ROBO1: variants seen among roughly 807,000 people sequenced by gnomAD.
ROBO1 encodes the protein roundabout guidance receptor 1.
ROBO1 carries 149 observed loss-of-function variants against 195.9 expected under a neutral mutation model. The observed-to-expected ratio is 0.76, with a 90% CI of 0.67 to 0.87. The LOEUF (loss-of-function observed/expected upper bound fraction) is 0.87, where lower values mean the gene tolerates loss of function less well. ROBO1 is among the 40% of genes least tolerant of loss of function. ROBO1 has a pLI of 0.00. For synonymous variants in ROBO1, 816 were observed against 733.2 expected (o/e 1.11, Z -1.82); for missense variants, 1,933 against 2,068.3 (o/e 0.93, Z 1.27).
intron 2 of ROBO1, among the ~76,000 whole-genome samples, chr3:79,477,552 A>G (rs1463055813): frequency 6.6e-6 from 1 of 152,074 alleles, no homozygotes; most frequent in Non-Finnish European, 1.5e-5. Flanking sequence ...GAAACTAAAC[A>G]AAAAACAAAA....
At chr3:79,037,052 CT>C (rs2078393670) in intron 3 of ROBO1, among the ~76,000 whole-genome samples, 1 of 151,974 alleles carries the variant, frequency 6.6e-6, no homozygotes, top group Non-Finnish European at 1.5e-5. Flanking sequence ...AAAATTAAAC[CT>C]TATGGATGAA....
At chr3:78,851,651 C>T (rs2034074274) in intron 4 of ROBO1, among the ~76,000 whole-genome samples, 1 of 152,080 alleles carries the variant, frequency 6.6e-6, no homozygotes, top group Admixed American at 6.5e-5. Context: ...CACCTGAAAG[C>T]AGATGAAAAT....
intron 24 of ROBO1, among the ~76,000 whole-genome samples, chr3:78,632,632 C>T: frequency 6.6e-6 from 1 of 152,118 alleles, no homozygotes; most frequent in East Asian, 1.9e-4. Flanking sequence ...ATCTTTACAT[C>T]TTTTTACCAT....
At chr3:79,057,144 G>A (rs1020905769) in intron 3 of ROBO1, among the ~76,000 whole-genome samples, 1 of 152,026 alleles carries the variant, frequency 6.6e-6, no homozygotes. Flanking sequence ...TCCTGAGGCT[G>A]TTACAGTGTT....
chr3:78,832,502 T>C (rs1296501264), intron 4 of ROBO1, among the ~76,000 whole-genome samples: 1 of 152,106 alleles, frequency 6.6e-6, no homozygotes, highest in African/African-American at 2.4e-5. Context: ...TAACAAACAG[T>C]GATGCTTGAG....
At chr3:78,845,472 A>G (rs1224918749) in intron 4 of ROBO1, among the ~76,000 whole-genome samples, 1 of 152,046 alleles carries the variant, frequency 6.6e-6, no homozygotes, top group South Asian at 2.1e-4. Flanking sequence ...CTTGTATTTT[A>G]TATGTATACA....
intron 4 of ROBO1, among the ~76,000 whole-genome samples, chr3:78,885,940 T>TATATAC (rs1043908565): frequency 1.6e-4 from 23 of 140,800 alleles, no homozygotes; most frequent in South Asian, 1.3e-3. Context: ...TATATATATA[T>TATATAC]ACATACATAT....
chr3:78,688,587 T>G (rs371322163), intron 9 of ROBO1, 61 bp downstream of exon 9: 2 of 1,474,082 alleles, frequency 1.4e-6, no homozygotes, highest in South Asian at 2.8e-5. Context: ...GTTTTTCTTC[T>G]CATACATCTT....
chr3:78,820,388 A>G (rs2030762893), intron 4 of ROBO1, among the ~76,000 whole-genome samples: 1 of 152,208 alleles, frequency 6.6e-6, no homozygotes, highest in Non-Finnish European at 1.5e-5. Context: ...TCTTGGAGAC[A>G]TTAAGTAACT....
chr3:79,253,492 C>T (rs1242996613), intron 2 of ROBO1, among the ~76,000 whole-genome samples: 1 of 152,190 alleles, frequency 6.6e-6, no homozygotes, highest in African/African-American at 2.4e-5. Context: ...GCTGCTAGGC[C>T]TACTTGCTAG....
At chr3:78,760,276 C>T (rs1031209736) in intron 4 of ROBO1, among the ~76,000 whole-genome samples, 4 of 152,124 alleles carry the variant, frequency 2.6e-5, no homozygotes, top group Admixed American at 2.0e-4. Flanking sequence ...AGCATAAAAC[C>T]AGACGAATAC....
At chr3:79,207,310 T>C (rs1324266087) in intron 2 of ROBO1, among the ~76,000 whole-genome samples, 1 of 152,108 alleles carries the variant, frequency 6.6e-6, no homozygotes, top group Non-Finnish European at 1.5e-5. Context: ...AAACAATGCC[T>C]CTTATTTGTC....
intron 4 of ROBO1, among the ~76,000 whole-genome samples, chr3:78,853,622 G>C (rs2034219099): frequency 2.0e-5 from 3 of 151,910 alleles, no homozygotes; most frequent in Admixed American, 1.3e-4. Context: ...TAAATCAGTA[G>C]ACTTTGAGTA....
At chr3:79,109,523 T>G (rs1258820367) in intron 3 of ROBO1, among the ~76,000 whole-genome samples, 1 of 152,124 alleles carries the variant, frequency 6.6e-6, no homozygotes, top group Non-Finnish European at 1.5e-5. Context: ...TTTCTACTTC[T>G]GCTTTCTCAA....
intron 2 of ROBO1, among the ~76,000 whole-genome samples, chr3:79,528,764 G>T (rs1438595875): frequency 6.6e-6 from 1 of 152,110 alleles, no homozygotes; most frequent in African/African-American, 2.4e-5. Flanking sequence ...AGTTTCACAT[G>T]GTGCCTGATA....
At chr3:79,664,751 G>A (rs1230926437) in intron 1 of ROBO1, among the ~76,000 whole-genome samples, 1 of 151,730 alleles carries the variant, frequency 6.6e-6, no homozygotes, top group African/African-American at 2.4e-5. Flanking sequence ...TGTCCTCTAT[G>A]CCCTGACATC....
chr3:79,340,722 A>C (rs2034874423), intron 2 of ROBO1, among the ~76,000 whole-genome samples: 1 of 152,212 alleles, frequency 6.6e-6, no homozygotes. Context: ...TTTGTTTTAA[A>C]AAAGCCAGCT....
At chr3:79,354,281 C>G (rs560651417) in intron 2 of ROBO1, among the ~76,000 whole-genome samples, 1 of 152,150 alleles carries the variant, frequency 6.6e-6, no homozygotes, top group Non-Finnish European at 1.5e-5. Context: ...TGAGAAGAAA[C>G]AGAACTTATT....
At position 79,059,617 on chromosome 3, in the gene ROBO1, T is replaced by A. The variant is rs550375090; in HGVS notation, c.172+65839A>T. 2.6e-4 allele frequency among the ~76,000 whole-genome samples: 40 copies of A among 152,144 alleles called. No homozygotes were observed. In the South Asian group the frequency reaches 7.9e-3, roughly 30 times the overall value. ...ATGGACATTCATTAGTTCCCCCAAA[T>A]TAATACTTTTATAATTTCTTATGCC... is the stretch of plus-strand genomic sequence containing the variant. On this transcript the variant is annotated intron_variant, in intron 3 of 30. Transcript: ENST00000464233.
Sources: gnomAD v4.1 joint callset for allele counts (sites outside exome capture counted in the v4.1 genomes callset) on GRCh38, gnomAD v4.1.1 for gene constraint, MANE v1.5 for transcripts, NCBI Gene and HGNC (gene_info 2026-07-23, HGNC 2026-07-21) for gene names.